Variants in ZNF106 observed in about 807,000 individuals in gnomAD.
ZNF106 encodes the protein SH3-domain binding protein 3.
Under a neutral mutation model 195.1 loss-of-function variants are expected in ZNF106, and 67 were observed. The observed-to-expected ratio is 0.34, with a 90% CI of 0.28 to 0.42. ZNF106 has a LOEUF of 0.42. ZNF106 is among the 10% of genes least tolerant of loss of function. The pLI, the probability that ZNF106 is intolerant of heterozygous loss-of-function variation, is 1.00. For synonymous variants in ZNF106, 784 were observed against 818.6 expected (o/e 0.96, Z 0.72); for missense variants, 2,118 against 2,304.5 (o/e 0.92, Z 1.66).
intron 7 of ZNF106, among the ~76,000 whole-genome samples, chr15:42,446,388 C>T (rs1044600459): frequency 1.3e-5 from 2 of 152,036 alleles, no homozygotes; most frequent in African/African-American, 4.8e-5. Flanking sequence ...TGAGTCCAGC[C>T]TGGGCAATAT....
intron 2 of ZNF106, among the ~76,000 whole-genome samples, chr15:42,466,963 T>A (rs2056532619): frequency 6.6e-6 from 1 of 151,936 alleles, no homozygotes; most frequent in African/African-American, 2.4e-5. Context: ...TGAAACCCCG[T>A]CTCTACTAAA....
At chr15:42,463,615 C>G (rs1208863729) in intron 3 of ZNF106, among the ~76,000 whole-genome samples, 1 of 151,918 alleles carries the variant, frequency 6.6e-6, no homozygotes, top group Non-Finnish European at 1.5e-5. Flanking sequence ...AGAGAGGAAC[C>G]CTGTCTTTAC....
chr15:42,448,264 C>T lies in ZNF106; in HGVS notation c.2943G>A (p.Gln981=). ...LMHLAKDLNS[Q]ERSIPPSENQ... is the part of the protein sequence containing the mutation. ...TCTCTGACGGTGGTATAGACCTCTC[C>T]TGGCTGTTCAAGTCTTTTGCCAAAT... The change falls in exon 6 of 22, where the codon CAG becomes CAA. Residue 981 remains glutamine, a synonymous_variant. Transcript: ENST00000564754. 1 of 1,614,222 alleles carries T rather than the reference C, an allele frequency of 6.2e-7. No homozygotes were observed. The highest frequency in any genetic ancestry group is 8.5e-7 in the Non-Finnish European group (1 of 1,180,038).
chr15:42,422,728 A>G, intron 17 of ZNF106, 108 bp from the exon 18 acceptor site: 1 of 1,086,666 alleles, frequency 9.2e-7, no homozygotes. Context: ...GTACACATAT[A>G]ATTAATACAA....
At chr15:42,454,908 AAAG>A (rs548214257) in intron 4 of ZNF106, among the ~76,000 whole-genome samples, 118 of 152,216 alleles carry the variant, frequency 7.8e-4, no homozygotes, top group African/African-American at 2.6e-3. Context: ...CAAAAAAAAA[AAAG>A]AAGTAGATGA....
chr15:42,438,959 C>A, intron 11 of ZNF106, 74 bp downstream of exon 11: 1 of 1,495,924 alleles, frequency 6.7e-7, no homozygotes, highest in South Asian at 1.4e-5. Context: ...AATTCTGATT[C>A]ATAATTTCAA....
At chr15:42,446,690 A>G in intron 6 of ZNF106, 32 bp from the exon 7 acceptor site, 1 of 1,546,836 alleles carries the variant, frequency 6.5e-7, no homozygotes, top group East Asian at 2.3e-5. Flanking sequence ...AATAAAATCC[A>G]ATGTGTAAAA....
At chr15:42,488,995 C>G (rs1171759248) in intron 1 of ZNF106, among the ~76,000 whole-genome samples, 1 of 150,092 alleles carries the variant, frequency 6.7e-6, no homozygotes, top group East Asian at 2.0e-4. Context: ...GGAGAATCAC[C>G]TGAACCCAAG....
chr15:42,489,424 G>A (rs1205767885), intron 1 of ZNF106, among the ~76,000 whole-genome samples: 6 of 151,794 alleles, frequency 4.0e-5, no homozygotes, highest in South Asian at 2.1e-4. Context: ...TGATCCGCCC[G>A]CCTCGGCCTC....
chr15:42,415,397 CA>C lies in ZNF106; in HGVS notation c.*1906del. ...TCGGCCTCCCAAAGAGCTGGGATTA[CA>C]GGTGTGAGCCACCAGGCCCGGCCTC... On this transcript the variant is annotated 3_prime_UTR_variant, in exon 22 of 22. Coordinates refer to ENST00000564754, the MANE Select transcript of ZNF106 (RefSeq NM_001366845.3). 2.2e-6 allele frequency: 1 copy of C among 454,438 alleles called. No individual in the cohort carries two copies. Among genetic ancestry groups the C allele is most frequent in the South Asian group, 1.6e-5 (1 of 64,194 alleles). The allele number at this position is 454,438 out of a possible 1,614,324, so 28.2% of individuals were successfully genotyped here.
At chr15:42,466,494 T>C (rs1262213841) in intron 2 of ZNF106, among the ~76,000 whole-genome samples, 1 of 152,192 alleles carries the variant, frequency 6.6e-6, no homozygotes, top group Non-Finnish European at 1.5e-5. Context: ...CTATTTGGCT[T>C]CTTTTATCCA....
chr15:42,465,371 A>C (rs1362934810), intron 3 of ZNF106, among the ~76,000 whole-genome samples: 1 of 152,070 alleles, frequency 6.6e-6, no homozygotes, highest in African/African-American at 2.4e-5. Context: ...TGACCTACCT[A>C]AGCTCAAGTG....
rs1736002479 is a variant in ZNF106, at chr15:42,416,145, T to C, written c.*1159A>G. ...CAAAGCCCCACTGAGGGTTTGTGAATTTGGCTGTTCTCAGTGGCCAGGCAG... is the reference window on the plus strand; with the variant it reads ...CAAAGCCCCACTGAGGGTTTGTGAACTTGGCTGTTCTCAGTGGCCAGGCAG... On this transcript the variant is annotated 3_prime_UTR_variant, in exon 22 of 22. Transcript: ENST00000564754. 6.6e-6 allele frequency: 1 copy of C among 152,246 alleles called. No individual in the cohort carries two copies. The highest frequency in any genetic ancestry group is 1.5e-5 in the Non-Finnish European group (1 of 68,060). 9.4% of individuals were successfully genotyped at this position (152,246 alleles called of 1,614,324 possible). A position where few individuals can be genotyped will look rare whatever the true frequency, so the allele number is the denominator to read the frequency against.
intron 6 of ZNF106, 56 bp downstream of exon 6, chr15:42,448,005 CTTTTTTCATAA>C (rs1018518082): frequency 2.0e-5 from 30 of 1,508,862 alleles, no homozygotes; most frequent in Non-Finnish European, 4.4e-6. Flanking sequence ...ACAGTTGAAC[CTTTTTTCATAA>C]GCAACCAACT....
rs370728901 is a variant in ZNF106 at position 42,448,404 on chromosome 15, G to A, written c.2803C>T (p.Gln935Ter). The A allele has an allele frequency of 1.2e-6, 2 of 1,614,044 alleles. No individual in the cohort carries two copies. The highest frequency in any genetic ancestry group is 8.5e-7 in the Non-Finnish European group (1 of 1,180,028). ...GAGGCAGCCCGAGGTGTCACTTCTT[G>A]TTTGAGGTGCATGGTTGCTTTCTGG... ...QSQKATMHLK[Q>*]EVTPRAASLR... The change falls in exon 6 of 22, where the codon CAA (glutamine) becomes TAA (stop). Residue 935 changes from glutamine to a stop codon, truncating the protein, a stop_gained. Coordinates refer to ENST00000564754, the MANE Select transcript of ZNF106 (RefSeq NM_001366845.3). LOFTEE classifies it high-confidence loss of function.
Position 42,457,534 on chromosome 15 carries a change from G to C in ZNF106, c.117-376C>G, listed in dbSNP as rs1595477569. On this transcript the variant is annotated intron_variant, in intron 3 of 21. Coordinates refer to ENST00000564754, the MANE Select transcript of ZNF106 (RefSeq NM_001366845.3). ...ACACCCATGGTGCCAGCTGCACTCA[G>C]AAGGCCTGGTGACAGCGCTTACATT... is the stretch of plus-strand genomic sequence containing the variant. The C allele has an allele frequency of 5.5e-6, 6 of 1,087,960 alleles. No homozygotes were observed. In the East Asian group the frequency reaches 4.2e-4, roughly 75 times the overall value. The allele number at this position is 1,087,960 out of a possible 1,614,324, so 67.4% of individuals were successfully genotyped here.
At chr15:42,468,073 T>A (rs2056567933) in intron 2 of ZNF106, among the ~76,000 whole-genome samples, 1 of 122,462 alleles carries the variant, frequency 8.2e-6, no homozygotes, top group Non-Finnish European at 1.6e-5. Flanking sequence ...AACGCCTTTT[T>A]TTTTTTTTTT....
Position 42,451,980 on chromosome 15 carries a change from G to A in ZNF106, c.318-26C>T, listed in dbSNP as rs1485696352. 3 of 1,584,662 alleles carry A rather than the reference G, an allele frequency of 1.9e-6. No individual in the cohort carries two copies. The Admixed American group carries it at 5.4e-5, about 28-fold the overall frequency. On this transcript the variant is annotated intron_variant, in intron 4 of 21. Coordinates refer to ENST00000564754, the MANE Select transcript of ZNF106 (RefSeq NM_001366845.3). ...CTGGAAGAAAAACAGTTTTTCATTA[G>A]CGATTTAAAGGAATTCCTATGCTAC...
chr15:42,432,870 C>A (rs2055107063), intron 14 of ZNF106, among the ~76,000 whole-genome samples: 2 of 152,064 alleles, frequency 1.3e-5, no homozygotes, highest in Middle Eastern at 3.4e-3. Context: ...GGGTGACAGG[C>A]CAAGACCTTG....
Sources: gnomAD v4.1 joint callset for allele counts (sites outside exome capture counted in the v4.1 genomes callset) on GRCh38, gnomAD v4.1.1 for gene constraint, MANE v1.5 for transcripts, NCBI Gene and HGNC (gene_info 2026-07-23, HGNC 2026-07-21) for gene names.